Variants in RAD50 observed in about 807,000 individuals in gnomAD.
The protein encoded by RAD50 is DNA repair protein RAD50.
A neutral mutation model predicts 168.8 loss-of-function variants in RAD50; 132 were observed. That is an observed-to-expected ratio of 0.78 (90% CI 0.68 to 0.90). The LOEUF (loss-of-function observed/expected upper bound fraction) is 0.90. Among genes scored for constraint, RAD50 ranks in the 40% least tolerant of loss-of-function variants. The pLI is 0.00. For missense variants in RAD50, 1,347 were observed against 1,534.4 expected (o/e 0.88, Z 2.04); for synonymous variants, 525 against 497.4 (o/e 1.06, Z -0.74).
At chr5:132,558,859 A>G (rs763387146) in intron 1 of RAD50, among the ~76,000 whole-genome samples, 16 of 152,110 alleles carry the variant, frequency 1.1e-4, no homozygotes, top group Non-Finnish European at 1.0e-4. Flanking sequence ...GTAAGCCATG[A>G]TCATGCAGCT....
At chr5:132,605,854 C>T (rs1481087687) in intron 16 of RAD50, among the ~76,000 whole-genome samples, 1 of 152,166 alleles carries the variant, frequency 6.6e-6, no homozygotes, top group African/African-American at 2.4e-5. Flanking sequence ...TACAAGGAAA[C>T]TGAACAACCT....
intron 14 of RAD50, 24 bp downstream of exon 14, chr5:132,603,513 AG>A: frequency 6.2e-7 from 1 of 1,603,338 alleles, no homozygotes; most frequent in Middle Eastern, 1.7e-4. Flanking sequence ...AGTTTAAGGC[AG>A]AATAAAACTT....
At chr5:132,589,437 T>C (rs2706361) in intron 8 of RAD50, among the ~76,000 whole-genome samples, 194 bp from the exon 9 acceptor site, 161 of 152,308 alleles carry the variant, frequency 1.1e-3, no homozygotes, top group African/African-American at 3.5e-3. Flanking sequence ...CCATGTAGGC[T>C]TATGTAAATA....
chr5:132,596,209 A>G (rs997282164), intron 13 of RAD50, among the ~76,000 whole-genome samples: 4 of 141,496 alleles, frequency 2.8e-5, no homozygotes, highest in African/African-American at 1.2e-4. Context: ...TGGCCAGGCT[A>G]ATCTCGAGCT....
intron 11 of RAD50, among the ~76,000 whole-genome samples, chr5:132,594,663 G>A (rs1336217490): frequency 1.3e-5 from 2 of 152,196 alleles, no homozygotes; most frequent in East Asian, 3.8e-4. Context: ...GCAGGCCCAT[G>A]AGTAGGACTG....
At chr5:132,618,039 G>C (rs760154233) in intron 20 of RAD50, 31 bp from the exon 21 acceptor site, 2 of 1,570,476 alleles carry the variant, frequency 1.3e-6, no homozygotes, top group East Asian at 2.2e-5. Context: ...GCTAAAAAAT[G>C]GTCCTCATTT....
chr5:132,643,436 G>T lies in RAD50; in HGVS notation c.*1072G>T, dbSNP rs535031808. On this transcript the variant is annotated 3_prime_UTR_variant, in exon 25 of 25. Transcript: ENST00000378823. ...TGTAGAGTTTTGTCATTCAGAGTCAGCCAGGACCATACCGGGTCTTGATTC... is the reference window on the plus strand; with the variant it reads ...TGTAGAGTTTTGTCATTCAGAGTCATCCAGGACCATACCGGGTCTTGATTC... 1 of 237,614 alleles carries T rather than the reference G, an allele frequency of 4.2e-6. No homozygotes were observed. Among genetic ancestry groups the T allele is most frequent in the South Asian group, 1.5e-4 (1 of 6,682 alleles). The allele number at this position is 237,614 out of a possible 1,614,324, so 14.7% of individuals were successfully genotyped here.
At chr5:132,640,129 G>A (rs1751685557) in intron 23 of RAD50, among the ~76,000 whole-genome samples, 1 of 152,130 alleles carries the variant, frequency 6.6e-6, no homozygotes, top group Non-Finnish European at 1.5e-5. Context: ...AAGCTTAACT[G>A]AAACCACATT....
rs786201777 is a variant in RAD50 at position 132,595,766 on chromosome 5, A to G, written c.2163A>G (p.Lys721=). ...KLKSTESELK[K]KEKRRDEMLG... ...AGTCAACAGAATCAGAGCTAAAAAA[A>G]AAGGAAAAGCGGCGTGATGAAATGC... Residue 721 remains lysine, a synonymous_variant, in exon 13 of 25, where the codon AAA becomes AAG. Transcript: ENST00000378823. 2.5e-6 allele frequency: 4 copies of G among 1,613,858 alleles called. No homozygotes were observed. The highest frequency in any genetic ancestry group is 1.7e-4 in the Middle Eastern group (1 of 6,060).
chr5:132,615,343 C>CTA (rs562967719), intron 19 of RAD50, among the ~76,000 whole-genome samples: 9 of 152,222 alleles, frequency 5.9e-5, no homozygotes, highest in Middle Eastern at 6.8e-3. Context: ...ATTTCGGTGG[C>CTA]TAAGGAGGTA....
rs1554101580 is a variant in RAD50, at chr5:132,646,112, AAG to A, written c.*3749_*3750del. 6.6e-6 allele frequency: 1 copy of A among 150,772 alleles called. No individual in the cohort carries two copies. Among genetic ancestry groups the A allele is most frequent in the Non-Finnish European group, 1.5e-5 (1 of 67,998 alleles). 9.3% of individuals were successfully genotyped at this position (150,772 alleles called of 1,614,324 possible). ...AAAGACAAAAAAAAAAAAAAAAAAA[AAG>A]CAGCAGCAGCTGAAAGTTGGCAGGA... On this transcript the variant is annotated 3_prime_UTR_variant, in exon 25 of 25. Transcript: ENST00000378823.
chr5:132,595,677 G>T lies in RAD50; in HGVS notation c.2074G>T (p.Ala692Ser). The T allele has an allele frequency of 6.2e-7, 1 of 1,613,960 alleles. No individual in the cohort carries two copies. Among genetic ancestry groups the T allele is most frequent in the Non-Finnish European group, 8.5e-7 (1 of 1,179,834 alleles). ...TTGTCAGAGAGTTTTTCAGACAGAG[G>T]CTGAGTTACAAGAAGTCATCAGTGA... ...PVCQRVFQTE[A>S]ELQEVISDLQ... Residue 692 changes from alanine (A) to serine (S), a missense_variant, in exon 13 of 25, where the codon GCT becomes TCT. Ala to Ser is a moderately conservative substitution (Grantham distance 99, BLOSUM62 1). Coordinates refer to ENST00000378823, the MANE Select transcript of RAD50 (RefSeq NM_005732.4).
At chr5:132,585,700 C>G (rs1750585026) in intron 5 of RAD50, among the ~76,000 whole-genome samples, 1 of 150,634 alleles carries the variant, frequency 6.6e-6, no homozygotes. Flanking sequence ...GACTCCCAGG[C>G]TCAAGTGATC....
intron 2 of RAD50, among the ~76,000 whole-genome samples, chr5:132,566,273 G>A (rs1200492742): frequency 2.6e-5 from 4 of 152,120 alleles, no homozygotes; most frequent in African/African-American, 4.8e-5. Context: ...CTAGGTCCTC[G>A]AAAAGTAGAT....
At chr5:132,593,621 T>C (rs1396485925) in intron 11 of RAD50, 1 of 152,192 alleles carries the variant, frequency 6.6e-6, no homozygotes, top group Non-Finnish European at 1.5e-5. Context: ...TCCACACAGA[T>C]TTTTGAGGAA....
At chr5:132,583,889 G>T (rs574077065) in intron 5 of RAD50, among the ~76,000 whole-genome samples, 1 of 151,910 alleles carries the variant, frequency 6.6e-6, no homozygotes, top group African/African-American at 2.4e-5. Context: ...TAGAGACGGG[G>T]TTTCTCCATG....
intron 21 of RAD50, 132 bp from the exon 22 acceptor site, chr5:132,636,983 T>G (rs956567221): frequency 1.3e-6 from 1 of 759,892 alleles, no homozygotes; most frequent in Non-Finnish European, 1.7e-6. Context: ...ATTCTACTTT[T>G]ACCATTGAAA....
chr5:132,561,275 A>G (rs1266735300), intron 2 of RAD50, among the ~76,000 whole-genome samples: 1 of 151,938 alleles, frequency 6.6e-6, no homozygotes, highest in East Asian at 1.9e-4. Flanking sequence ...GCTTACTGCA[A>G]CCTCTGTCTC....
rs911872079 is a variant in RAD50, at chr5:132,591,349, G to A, written c.1578G>A (p.Glu526=). 1 of 1,613,982 alleles carries A rather than the reference G, an allele frequency of 6.2e-7. No individual in the cohort carries two copies. The highest frequency in any genetic ancestry group is 8.5e-7 in the Non-Finnish European group (1 of 1,179,920). The change falls in exon 10 of 25, where the codon GAG becomes GAA. Residue 526 remains glutamate, a synonymous_variant. Transcript: ENST00000378823. ...TGCGTAAACTTGACCAGGAGATGGA[G>A]CAGTTAAACCATCATACAACAACAC... ...RTLRKLDQEM[E]QLNHHTTTRT...
Sources: gnomAD v4.1 joint callset for allele counts (sites outside exome capture counted in the v4.1 genomes callset) on GRCh38, gnomAD v4.1.1 for gene constraint, MANE v1.5 for transcripts, NCBI Gene and HGNC (gene_info 2026-07-23, HGNC 2026-07-21) for gene names.